Variants in IGSF1 observed in about 807,000 individuals in gnomAD.
The protein encoded by IGSF1 is immunoglobulin-like domain-containing protein 1.
In IGSF1, 40 loss-of-function variants were observed where a neutral mutation model predicts 95.3. That is an observed-to-expected ratio of 0.42 (90% CI 0.33 to 0.55). The LOEUF (loss-of-function observed/expected upper bound fraction) is 0.55. IGSF1 is among the 20% of genes least tolerant of loss of function. IGSF1 has a pLI of 0.10. For synonymous variants in IGSF1, 372 were observed against 382.9 expected, an observed-to-expected ratio of 0.97 and a Z score of 0.33; for missense variants, 906 against 1,025.4, an observed-to-expected ratio of 0.88 and a Z score of 1.59.
rs766222070 is a variant in IGSF1 at position 131,278,581 on chromosome X, C to T, written c.1921G>A (p.Val641Ile). 1 of 1,210,142 alleles carries T rather than the reference C, an allele frequency of 8.3e-7. No homozygotes were observed. The highest frequency in any genetic ancestry group is 1.7e-5 in the African/African-American group (1 of 57,294). The change falls in exon 12 of 20, where the codon GTC (valine) becomes ATC (isoleucine). Residue 641 changes from valine (V) to isoleucine (I), a missense_variant. Val to Ile is a conservative substitution (Grantham distance 29). Transcript: ENST00000361420. ...WIATRPASEQ[V>I]RAAFPLGALT... Reference sequence around the variant, plus strand: ...GCGCCAAGGGGGAAGGCAGCCCGGACCTGCTCTGAGGCCGGGCGAGTGGCG... The same window carrying T: ...GCGCCAAGGGGGAAGGCAGCCCGGATCTGCTCTGAGGCCGGGCGAGTGGCG...
In IGSF1 at chrX:131,273,786, G is replaced by A. The variant is rs746567524; in HGVS notation, c.*10C>T. ...AGAGGAGAGGAAAGCTCTTGTAAAG[G>A]AGGAGATTATTATATTGGAACGGGC... On this transcript the variant is annotated 3_prime_UTR_variant, in exon 20 of 20. Coordinates refer to ENST00000361420, the MANE Select transcript of IGSF1 (RefSeq NM_001555.5). The A allele has an allele frequency of 4.2e-5, 51 of 1,201,801 alleles. No homozygotes were observed. Among genetic ancestry groups the A allele is most frequent in the Non-Finnish European group, 5.5e-5 (49 of 890,593 alleles).
In IGSF1 at chrX:131,275,633, G is replaced by A; in HGVS notation, c.3029C>T (p.Ser1010Leu). 8.3e-7 allele frequency: 1 copy of A among 1,211,526 alleles called. No individual in the cohort carries two copies. Among genetic ancestry groups the A allele is most frequent in the Admixed American group, 2.2e-5 (1 of 46,037 alleles). Residue 1010 changes from serine to leucine, a missense_variant, in exon 16 of 20, where the codon TCA (serine) becomes TTA (leucine). Ser to Leu is a moderately radical substitution (Grantham distance 145). Coordinates refer to ENST00000361420, the MANE Select transcript of IGSF1 (RefSeq NM_001555.5). ...YILHKEGEAT[S>L]MQLWGSTSND... ...ACTGGTGGATCCCCAGAGCTGCATT[G>A]AAGTGGCTTCTCCTTCTTTGTGCAG...
chrX:131,275,673 C>T lies in IGSF1; in HGVS notation c.2989G>A (p.Gly997Arg), dbSNP rs1394841302. Reference sequence around the variant, plus strand: ...TCTTTGTGCAGAATGTATCCTACTCCATGGACCGGCCCTCGGCACCAGAGA... The same window carrying T: ...TCTTTGTGCAGAATGTATCCTACTCTATGGACCGGCCCTCGGCACCAGAGA... Reference protein sequence around the residue: ...VTLWCRGPVHGVGYILHKEGE... With the variant: ...VTLWCRGPVHRVGYILHKEGE... Residue 997 changes from glycine to arginine, a missense_variant, in exon 16 of 20, where the codon GGA (glycine) becomes AGA (arginine). By Grantham distance (125) the Gly-to-Arg change is moderately radical. Coordinates refer to ENST00000361420, the MANE Select transcript of IGSF1 (RefSeq NM_001555.5). The T allele has an allele frequency of 1.7e-6, 2 of 1,210,851 alleles. No individual in the cohort carries two copies.
intron 9 of IGSF1, 65 bp from the exon 10 acceptor site, chrX:131,279,406 G>A (rs1603404749): frequency 7.4e-6 from 7 of 951,637 alleles, no homozygotes; most frequent in Non-Finnish European, 1.1e-5. Context: ...AGGAAAGGGG[G>A]CGGCAATTTA....
At chrX:131,279,989 T>G (rs1433626712) in intron 9 of IGSF1, among the ~76,000 whole-genome samples, 2 of 111,794 alleles carry the variant, frequency 1.8e-5, no homozygotes, top group African/African-American at 6.5e-5. Flanking sequence ...TTAGATGATA[T>G]TAACCCAAAA....
At position 131,282,584 on chromosome X, in the gene IGSF1, G is replaced by C. The variant is rs904570078; in HGVS notation, c.1106C>G (p.Thr369Ser). 4.1e-6 allele frequency: 5 copies of C among 1,208,717 alleles called. No individual in the cohort carries two copies. In the East Asian group the frequency reaches 1.5e-4, roughly 36 times the overall value. The change falls in exon 7 of 20, where the codon ACC becomes AGC. Residue 369 changes from threonine to serine, a missense_variant. This residue lies in a region of IGSF1 where 442 missense variants were observed against 448.1 expected (regional missense o/e 0.99). Transcript: ENST00000361420. Reference protein sequence around the residue: ...EDKPLQFLDATSIDDNTSFFL... With the variant: ...EDKPLQFLDASSIDDNTSFFL... The stretch of plus-strand genomic sequence containing the variant: ...GAATGATGTGTTGTCATCGATGCTG[G>C]TGGCATCCAAAAATTGAAGTGGTTT...
rs2080449673 is a variant in IGSF1 at position 131,274,211 on chromosome X, G to A, written c.3752-5C>T. On this transcript the variant is annotated splice_region_variant and splice_polypyrimidine_tract_variant and intron_variant, in intron 18 of 19. Coordinates refer to ENST00000361420, the MANE Select transcript of IGSF1 (RefSeq NM_001555.5). ...TGCACTCCTGAGCAACAGGCCCTGT[G>A]GTGATGAAAGAGGAGAAACCGAGGC... is the stretch of plus-strand genomic sequence containing the variant. 2.5e-6 allele frequency: 3 copies of A among 1,210,936 alleles called. No homozygotes were observed. Among genetic ancestry groups the A allele is most frequent in the South Asian group, 1.8e-5 (1 of 56,859 alleles).
chrX:131,276,810 G>A, intron 14 of IGSF1, 129 bp downstream of exon 14: 2 of 619,910 alleles, frequency 3.2e-6, no homozygotes, highest in South Asian at 2.7e-5. Context: ...TGGTCACTAT[G>A]GGCCAGCCGC....
intron 9 of IGSF1, among the ~76,000 whole-genome samples, chrX:131,280,423 G>C (rs75685218): frequency 9.0e-6 from 1 of 111,387 alleles, no homozygotes; most frequent in Non-Finnish European, 1.9e-5. Flanking sequence ...CAGGGCGGGG[G>C]GTACAGCCAG....
chrX:131,287,960 T>C (rs2080665674), intron 1 of IGSF1, among the ~76,000 whole-genome samples: 1 of 111,685 alleles, frequency 9.0e-6, no homozygotes. Flanking sequence ...AAGGAACTGA[T>C]TTTGCTTTTC....
intron 6 of IGSF1, 75 bp downstream of exon 6, chrX:131,282,905 G>A: frequency 2.0e-6 from 2 of 993,621 alleles, no homozygotes; most frequent in South Asian, 2.2e-5. Context: ...ACAGGATTAG[G>A]TTCTCCAGGG....
chrX:131,279,330 A>C lies in IGSF1; in HGVS notation c.1658T>G (p.Leu553Trp). 3 of 1,209,833 alleles carry C rather than the reference A, an allele frequency of 2.5e-6. No individual in the cohort carries two copies. Among genetic ancestry groups the C allele is most frequent in the Non-Finnish European group, 3.4e-6 (3 of 893,665 alleles). The stretch of plus-strand genomic sequence containing the variant: ...GGTGACCCCTTGAGCTGTTCCCAGC[A>C]ACCAGGCTTCTCTAGTGAGACCAGA... ...CRRLRIREAW[L>W]LGTAQGVTML... Residue 553 changes from leucine to tryptophan, a missense_variant, in exon 10 of 20, where the codon TTG (leucine) becomes TGG (tryptophan). Leu to Trp is a moderately conservative substitution (Grantham distance 61). Around this residue, in one of 5 missense-constraint regions of IGSF1, gnomAD observed 442 missense variants for 448.1 expected, o/e 0.99. Transcript: ENST00000361420.
In IGSF1 at chrX:131,275,518, G is replaced by C. The variant is rs762911152; in HGVS notation, c.3144C>G (p.Ile1048Met). Residue 1048 changes from isoleucine to methionine, a missense_variant, in exon 16 of 20, where the codon ATC (isoleucine) becomes ATG (methionine). Transcript: ENST00000361420. Reference sequence around the variant, plus strand: ...CCAGGGTGTTGCTAGGTTGTATCTTGATAGAACTGGTCCAGTCAGGGTGGT... The same window carrying C: ...CCAGGGTGTTGCTAGGTTGTATCTTCATAGAACTGGTCCAGTCAGGGTGGT... ...CCYHPDWTSSIKIQPSNTLEL... is the reference protein window; with the variant it reads ...CCYHPDWTSSMKIQPSNTLEL... 8.3e-6 allele frequency: 10 copies of C among 1,209,768 alleles called. No individual in the cohort carries two copies. In the South Asian group the frequency reaches 1.2e-4, roughly 15 times the overall value.
chrX:131,276,876 G>A, intron 14 of IGSF1, 63 bp downstream of exon 14: 1 of 1,066,491 alleles, frequency 9.4e-7, no homozygotes, highest in Non-Finnish European at 1.3e-6. Flanking sequence ...CTCTCCCACT[G>A]ACAGCCTTCC....
chrX:131,279,449 T>C, intron 9 of IGSF1, 108 bp from the exon 10 acceptor site: 1 of 607,209 alleles, frequency 1.6e-6, no homozygotes, highest in Non-Finnish European at 2.8e-6. Context: ...CAATGGGGAC[T>C]GGATATGGCC....
chrX:131,277,572 C>A, intron 13 of IGSF1: 1 of 382,844 alleles, frequency 2.6e-6, no homozygotes, highest in Non-Finnish European at 4.5e-6. Context: ...CTTCACCCAC[C>A]TTGAAGAGTT....
chrX:131,278,499 A>G lies in IGSF1; in HGVS notation c.2003T>C (p.Val668Ala), dbSNP rs1426048283. The G allele has an allele frequency of 8.3e-7, 1 of 1,206,289 alleles. No individual in the cohort carries two copies. The highest frequency in any genetic ancestry group is 1.8e-5 in the African/African-American group (1 of 56,990). The change falls in exon 12 of 20, where the codon GTA (valine) becomes GCA (alanine). Residue 668 changes from valine to alanine, a missense_variant. Physicochemically the swap from Val to Ala is moderately conservative, Grantham distance 64 (BLOSUM62 0). Transcript: ENST00000361420. ...CTCAAGTGCCTCACTGGGCTCCGAT[A>G]CAGCCATCTCCTCCCATGAATGGCA... Reference protein sequence around the residue: ...YHCHSWEEMAVSEPSEALELV... With the variant: ...YHCHSWEEMAASEPSEALELV...
chrX:131,283,925 G>A (rs1280954968), intron 5 of IGSF1, among the ~76,000 whole-genome samples: 3 of 112,038 alleles, frequency 2.7e-5, no homozygotes, highest in Non-Finnish European at 5.6e-5. Context: ...TGCTCACTGA[G>A]CATTTAGTAT....
chrX:131,285,130 A>G lies in IGSF1; in HGVS notation c.667+49T>C, dbSNP rs1334641087. 5 of 1,144,420 alleles carry G rather than the reference A, an allele frequency of 4.4e-6. No homozygotes were observed. The East Asian group carries it at 1.2e-4, about 28-fold the overall frequency. 94.3% of individuals were successfully genotyped at this position (1,144,420 alleles called of 1,213,427 possible). ...AGAAACCCTAGCTCAGCCAGCCATGATACCTGGGACAACAATTGCCAGATG... is the reference window on the plus strand; with the variant it reads ...AGAAACCCTAGCTCAGCCAGCCATGGTACCTGGGACAACAATTGCCAGATG... On this transcript the variant is annotated intron_variant, in intron 5 of 19. Transcript: ENST00000361420.
Sources: gnomAD v4.1 joint callset for allele counts (sites outside exome capture counted in the v4.1 genomes callset) on GRCh38, gnomAD v4.1.1 for gene constraint, gnomAD v4.1.1 regional missense constraint, MANE v1.5 for transcripts, NCBI Gene and HGNC (gene_info 2026-07-23, HGNC 2026-07-21) for gene names.